The following CAST variants were observed in gnomAD, a reference collection of about 807,000 sequenced individuals.
CAST encodes the protein calpastatin.
In CAST, 76 loss-of-function variants were observed where a neutral mutation model predicts 119.6. The ratio of observed to expected loss-of-function variants is 0.64; its 90% CI spans 0.53 to 0.77. CAST has a LOEUF of 0.77. Ranked by LOEUF, CAST falls within the 30% of genes least tolerant of loss-of-function variation. The pLI is 0.00. For synonymous variants in CAST, 319 were observed against 331.6 expected (o/e 0.96, Z 0.41); for missense variants, 953 against 946.5 (o/e 1.01, Z -0.09).
the CAST span, chr5:96,434,041 G>T: frequency 2.0e-5 from 3 of 152,162 alleles, no homozygotes; most frequent in South Asian, 6.2e-4. Context: ...TTGATTCAGG[G>T]AGGGAAAGAG....
chr5:96,269,040 T>C, the CAST span, among the ~76,000 whole-genome samples: 3 of 152,170 alleles, frequency 2.0e-5, no homozygotes, highest in African/African-American at 7.2e-5. Context: ...CCCCTTTGCC[T>C]TCCACCATGA....
chr5:96,536,056 T>A (rs1458038007), intron 1 of CAST, among the ~76,000 whole-genome samples: 1 of 59,772 alleles, frequency 1.7e-5, no homozygotes, highest in Non-Finnish European at 3.3e-5. Context: ...TTTTTTTTTT[T>A]AAAGAAAAAG....
At chr5:96,267,205 G>A in the CAST span, among the ~76,000 whole-genome samples, 2 of 152,024 alleles carry the variant, frequency 1.3e-5, no homozygotes, top group Non-Finnish European at 2.9e-5. Context: ...CCAAATCTAA[G>A]AATTATTGAT....
At chr5:96,771,163 T>C (rs1772159931) in intron 30 of CAST, among the ~76,000 whole-genome samples, 1 of 152,202 alleles carries the variant, frequency 6.6e-6, no homozygotes, top group Non-Finnish European at 1.5e-5. Context: ...GAAACAGCAT[T>C]GATAATTGGC....
rs140910659 is a variant in CAST at position 96,532,157 on chromosome 5, A to G, written c.60+2277A>G. Among the ~76,000 whole-genome samples the G allele has an allele frequency of 2.6e-5, 4 of 152,312 alleles. No homozygotes were observed. In the East Asian group the frequency reaches 7.7e-4, roughly 29 times the overall value. On this transcript the variant is annotated intron_variant, in intron 1 of 11. Transcript: ENST00000505143. ...TTTCCAAGTGTTCCAACAACTGACT[A>G]ATGGAAGTTCCAGAAAAAAAAATGA...
chr5:96,052,440 T>C, the CAST span, among the ~76,000 whole-genome samples: 1 of 152,226 alleles, frequency 6.6e-6, no homozygotes, highest in South Asian at 2.1e-4. Flanking sequence ...TAGGTATATC[T>C]CTGGTTAGGT....
the CAST span, among the ~76,000 whole-genome samples, chr5:96,313,128 A>T: frequency 6.6e-6 from 1 of 152,144 alleles, no homozygotes; most frequent in Non-Finnish European, 1.5e-5. Context: ...AATCAAACAA[A>T]AAATCAAGAT....
At chr5:96,004,494 C>G in the CAST span, among the ~76,000 whole-genome samples, 1 of 152,172 alleles carries the variant, frequency 6.6e-6, no homozygotes, top group Non-Finnish European at 1.5e-5. Flanking sequence ...TAAGTGTTCT[C>G]TAATCTACTT....
At chr5:96,685,814 A>G (rs558741012) in intron 2 of CAST, among the ~76,000 whole-genome samples, 42 of 152,308 alleles carry the variant, frequency 2.8e-4, no homozygotes, top group Admixed American at 4.6e-4. Flanking sequence ...AGGAATCAGT[A>G]TTTTTGCCAA....
chr5:96,509,273 A>T, the CAST span, among the ~76,000 whole-genome samples: 4 of 152,244 alleles, frequency 2.6e-5, no homozygotes, highest in Non-Finnish European at 4.4e-5. Flanking sequence ...CGGTGAAGTG[A>T]CTGATCCATG....
At chr5:96,021,712 T>C in the CAST span, among the ~76,000 whole-genome samples, 56 of 152,238 alleles carry the variant, frequency 3.7e-4, no homozygotes, top group Admixed American at 1.8e-3. Context: ...TCCCAAAGTG[T>C]TGGGATTACA....
the CAST span, among the ~76,000 whole-genome samples, chr5:96,474,435 G>T: frequency 6.6e-6 from 1 of 152,034 alleles, no homozygotes; most frequent in Admixed American, 6.6e-5. Context: ...AATGATGGGG[G>T]GTGGGGGTGA....
chr5:96,751,179 A>T (rs978637501), intron 20 of CAST, among the ~76,000 whole-genome samples: 1 of 151,916 alleles, frequency 6.6e-6, no homozygotes, highest in South Asian at 2.1e-4. Flanking sequence ...GATATTTAAG[A>T]AGGTGAATCT....
At chr5:96,753,708 A>G (rs151224545) in intron 20 of CAST, among the ~76,000 whole-genome samples, 2 of 152,342 alleles carry the variant, frequency 1.3e-5, no homozygotes, top group East Asian at 3.9e-4. Context: ...TGTGCCGTCT[A>G]TGGAATGATC....
chr5:96,618,216 T>C (rs747100505), intron 1 of CAST, among the ~76,000 whole-genome samples: 11 of 152,164 alleles, frequency 7.2e-5, no homozygotes, highest in Non-Finnish European at 1.0e-4. Flanking sequence ...TGAGAGTCCT[T>C]TGCCCTCCTG....
the CAST span, among the ~76,000 whole-genome samples, chr5:96,304,059 C>T: frequency 3.4e-4 from 52 of 152,336 alleles, no homozygotes; most frequent in African/African-American, 1.2e-3. Flanking sequence ...AATTTACATT[C>T]CCACCAACAG....
the CAST span, among the ~76,000 whole-genome samples, chr5:96,316,007 C>T: frequency 2.6e-5 from 4 of 152,230 alleles, no homozygotes; most frequent in East Asian, 3.9e-4. Flanking sequence ...CTTCAAGCCA[C>T]GCAGAGAAAA....
chr5:95,971,985 G>T, the CAST span, among the ~76,000 whole-genome samples: 62 of 148,642 alleles, frequency 4.2e-4, 1 homozygote, highest in Middle Eastern at 3.4e-3. Context: ...TTGAAACAGG[G>T]TCCCCCTGCT....
chr5:96,055,923 T>C, the CAST span, among the ~76,000 whole-genome samples: 4 of 152,256 alleles, frequency 2.6e-5, no homozygotes, highest in Admixed American at 2.6e-4. Flanking sequence ...GACACATATA[T>C]GTAACATGAC....
Sources: gnomAD v4.1 joint callset for allele counts (sites outside exome capture counted in the v4.1 genomes callset) on GRCh38, gnomAD v4.1.1 for gene constraint, MANE v1.5 for transcripts, NCBI Gene and HGNC (gene_info 2026-07-23, HGNC 2026-07-21) for gene names.